DMD: variants seen among roughly 807,000 people sequenced by gnomAD.
The protein encoded by DMD is mutant dystrophin.
Under a neutral mutation model 330.1 loss-of-function variants are expected in DMD, and 63 were observed. The observed-to-expected ratio is 0.19, with a 90% CI of 0.16 to 0.24. The LOEUF (loss-of-function observed/expected upper bound fraction) is 0.24. DMD is among the 10% of genes least tolerant of loss of function. The probability of loss-of-function intolerance (pLI) is 1.00; values close to 1 mark genes in which losing one functional copy is unlikely to be tolerated. For missense variants in DMD, 3,344 were observed against 2,684.1 expected (o/e 1.25, Z -5.43); for synonymous variants, 1,223 against 959.8 (o/e 1.27, Z -5.07).
chrX:31,236,819 T>G (rs1404427053), intron 63 of DMD, among the ~76,000 whole-genome samples: 1 of 112,293 alleles, frequency 8.9e-6, no homozygotes, highest in Non-Finnish European at 1.9e-5. Context: ...TCTTTATTTA[T>G]AGCTCTTAAG....
chrX:32,018,892 T>G (rs6527152), intron 44 of DMD, among the ~76,000 whole-genome samples: 1 of 110,063 alleles, frequency 9.1e-6, no homozygotes, highest in Non-Finnish European at 1.9e-5. Context: ...CATTTAACTT[T>G]TTCAGTCTCT....
chrX:31,154,599 T>C (rs1037191142), intron 74 of DMD, among the ~76,000 whole-genome samples: 14 of 111,464 alleles, frequency 1.3e-4, no homozygotes, highest in African/African-American at 3.6e-4. Context: ...CAGCCTCTAA[T>C]GTTTAACAAG....
chrX:31,172,936 A>T (rs1374068604), intron 72 of DMD, among the ~76,000 whole-genome samples: 1 of 111,827 alleles, frequency 8.9e-6, no homozygotes, highest in African/African-American at 3.2e-5. Context: ...AGGCAATTAT[A>T]CAGGGGGTTT....
At chrX:31,571,228 G>T in intron 55 of DMD, among the ~76,000 whole-genome samples, 1 of 105,928 alleles carries the variant, frequency 9.4e-6, no homozygotes, top group African/African-American at 3.5e-5. Context: ...AAGAAGCAAT[G>T]AGTTACATGA....
chrX:32,008,810 G>A (rs1326608381), intron 44 of DMD, among the ~76,000 whole-genome samples: 1 of 111,295 alleles, frequency 9.0e-6, no homozygotes, highest in Non-Finnish European at 1.9e-5. Flanking sequence ...CTACATAGAG[G>A]AAGAGGCAGG....
intron 29 of DMD, 179 bp from the exon 30 acceptor site, chrX:32,412,092 A>T (rs1398908877): frequency 3.4e-6 from 4 of 1,170,372 alleles, no homozygotes; most frequent in Non-Finnish European, 4.6e-6. Flanking sequence ...TGTGAAGGAG[A>T]AAAATAAATA....
intron 43 of DMD, among the ~76,000 whole-genome samples, chrX:32,278,830 T>A (rs1410963488): frequency 4.5e-5 from 5 of 110,976 alleles, no homozygotes; most frequent in Non-Finnish European, 9.5e-5. Flanking sequence ...TCACATCAAG[T>A]TAAAAAGCTC....
chrX:32,503,775 C>A (rs1475576986), intron 18 of DMD, among the ~76,000 whole-genome samples: 3 of 110,984 alleles, frequency 2.7e-5, no homozygotes, highest in Non-Finnish European at 3.8e-5. Context: ...AGGCTGGTCT[C>A]AAACTCCTGA....
At chrX:32,089,618 T>G in intron 44 of DMD, among the ~76,000 whole-genome samples, 1 of 112,178 alleles carries the variant, frequency 8.9e-6, no homozygotes. Context: ...GGACATGATC[T>G]CATTCTTTTT....
At chrX:32,751,770 G>C (rs1372513417) in intron 7 of DMD, among the ~76,000 whole-genome samples, 2 of 112,181 alleles carry the variant, frequency 1.8e-5, no homozygotes, top group Non-Finnish European at 3.8e-5. Context: ...ATGGTTTTGT[G>C]GGCTAGGCCC....
At position 33,038,248 on chromosome X, in the gene DMD, A is replaced by G. The variant is rs571422691; in HGVS notation, c.32-18048T>C. 2.8e-4 allele frequency among the ~76,000 whole-genome samples: 31 copies of G among 111,936 alleles called. No homozygotes were observed. The South Asian group carries it at 0.011, about 39-fold the overall frequency. On this transcript the variant is annotated intron_variant, in intron 1 of 78. Transcript: ENST00000357033. ...GGTTACTTTTTGGTTACAGCTCATCACTTTGCATTAGTGCATACCTCCAAA... is the reference window on the plus strand; with the variant it reads ...GGTTACTTTTTGGTTACAGCTCATCGCTTTGCATTAGTGCATACCTCCAAA...
At position 33,128,744 on chromosome X, in the gene DMD, C is replaced by T. The variant is rs45622536; in HGVS notation, c.31+82538G>A. Among the ~76,000 whole-genome samples the T allele has an allele frequency of 0.026, 2,903 of 111,969 alleles. 39 individuals carry two copies. Among genetic ancestry groups the T allele is most frequent in the South Asian group, 0.042 (114 of 2,706 alleles). ...AGAAGAGACTGGACCTATAAAGTTG[C>T]GCACCTGTGTGATGCTAGGAGAAGA... On this transcript the variant is annotated intron_variant, in intron 1 of 78. Coordinates refer to ENST00000357033, the MANE Select transcript of DMD (RefSeq NM_004006.3).
chrX:31,927,462 A>G (rs1041031794), intron 47 of DMD, among the ~76,000 whole-genome samples: 8 of 111,893 alleles, frequency 7.1e-5, no homozygotes, highest in African/African-American at 2.6e-4. Context: ...ATGTACTGAG[A>G]TATTGTAGAA....
intron 9 of DMD, among the ~76,000 whole-genome samples, chrX:32,677,381 T>A (rs1189135910): frequency 1.8e-5 from 2 of 111,674 alleles, no homozygotes; most frequent in Non-Finnish European, 3.8e-5. Context: ...CACATGTGCA[T>A]ATTTCCACTG....
chrX:31,446,281 C>T (rs1025304296), intron 59 of DMD, among the ~76,000 whole-genome samples: 1 of 111,910 alleles, frequency 8.9e-6, no homozygotes, highest in African/African-American at 3.2e-5. Flanking sequence ...AAAAACATTA[C>T]GTTAAGCAAT....
intron 29 of DMD, among the ~76,000 whole-genome samples, chrX:32,432,098 C>G (rs1021414941): frequency 8.9e-6 from 1 of 112,005 alleles, no homozygotes; most frequent in African/African-American, 3.2e-5. Flanking sequence ...AATAGGCCAA[C>G]ACACATTTTC....
intron 2 of DMD, among the ~76,000 whole-genome samples, chrX:32,958,033 T>C (rs1235874733): frequency 8.9e-6 from 1 of 112,011 alleles, no homozygotes; most frequent in Non-Finnish European, 1.9e-5. Context: ...GAACTGTTAT[T>C]TTGGAACCAT....
intron 44 of DMD, among the ~76,000 whole-genome samples, chrX:31,974,390 C>G (rs924495388): frequency 1.8e-5 from 2 of 110,854 alleles, no homozygotes; most frequent in South Asian, 3.8e-4. Context: ...CTGTGACAAG[C>G]CTGTACATGT....
At position 32,613,626 on chromosome X, in the gene DMD, T is replaced by TA. The variant is rs200311441; in HGVS notation, c.1482+676dup. On this transcript the variant is annotated intron_variant, in intron 12 of 78. Transcript: ENST00000357033. ...CTATAAATTGAATGTAAAATTACAT[T>TA]AAAAAAAATCGTAGCCTTATTATTT... 9.1e-5 allele frequency among the ~76,000 whole-genome samples: 10 copies of TA among 110,256 alleles called. No homozygotes were observed. In the East Asian group the frequency reaches 1.7e-3, roughly 19 times the overall value.
Sources: allele counts gnomAD v4.1 joint callset (sites outside exome capture counted in the v4.1 genomes callset), GRCh38; gene constraint gnomAD v4.1.1; transcripts MANE v1.5; gene names NCBI Gene and HGNC (gene_info 2026-07-23, HGNC 2026-07-21).